Variants in MAP6 observed in about 807,000 individuals in gnomAD.
The protein encoded by MAP6 is microtubule associated protein 6.
MAP6 carries 26 observed loss-of-function variants against 42.4 expected under a neutral mutation model. The ratio of observed to expected loss-of-function variants is 0.61; its 90% CI spans 0.45 to 0.85. MAP6 has a LOEUF of 0.85. Ranked by LOEUF, MAP6 falls within the 40% of genes least tolerant of loss-of-function variation. The pLI is 0.00. For synonymous variants in MAP6, 418 were observed against 443.8 expected, an observed-to-expected ratio of 0.94 and a Z score of 0.73; for missense variants, 966 against 1,099.0, an observed-to-expected ratio of 0.88 and a Z score of 1.71.
At chr11:75,604,440 C>T (rs773134265) in intron 3 of MAP6, 31 of 985,414 alleles carry the variant, frequency 3.1e-5, no homozygotes, top group East Asian at 2.3e-4. Context: ...AAGCCTGCGC[C>T]GGGGCTTGAC....
chr11:75,660,384 T>C (rs746460314), intron 1 of MAP6, among the ~76,000 whole-genome samples: 8 of 152,304 alleles, frequency 5.3e-5, no homozygotes, highest in Non-Finnish European at 1.0e-4. Flanking sequence ...AGATATCCCA[T>C]AGACAACCCA....
At chr11:75,646,073 A>T (rs1038079488) in intron 1 of MAP6, among the ~76,000 whole-genome samples, 4 of 151,948 alleles carry the variant, frequency 2.6e-5, no homozygotes, top group African/African-American at 9.7e-5. Context: ...GATCCATAAA[A>T]GCAAGTCCAT....
chr11:75,605,573 C>T (rs150164789), intron 3 of MAP6: 292 of 1,310,636 alleles, frequency 2.2e-4, no homozygotes, highest in African/African-American at 1.3e-3. Flanking sequence ...CCAGCGGCAA[C>T]GCTTCCTGGT....
intron 1 of MAP6, among the ~76,000 whole-genome samples, chr11:75,629,425 T>C (rs1943249998): frequency 6.6e-6 from 1 of 152,060 alleles, no homozygotes; most frequent in Non-Finnish European, 1.5e-5. Context: ...GCTTGGGACT[T>C]CTGCAGGTCA....
intron 1 of MAP6, among the ~76,000 whole-genome samples, chr11:75,623,316 TGTGA>T (rs1034135150): frequency 3.3e-5 from 5 of 152,190 alleles, no homozygotes; most frequent in East Asian, 1.9e-4. Flanking sequence ...TGCCGAGGCT[TGTGA>T]GTGAGAGGGA....
intron 1 of MAP6, among the ~76,000 whole-genome samples, chr11:75,620,666 AT>A (rs906691890): frequency 7.2e-5 from 11 of 152,354 alleles, no homozygotes; most frequent in African/African-American, 2.2e-4. Flanking sequence ...TCTTAAAAAA[AT>A]ATTTGCAAAT....
chr11:75,631,670 C>A (rs757370422), intron 1 of MAP6, among the ~76,000 whole-genome samples: 6 of 152,328 alleles, frequency 3.9e-5, no homozygotes, highest in Non-Finnish European at 5.9e-5. Context: ...ACACAAATCT[C>A]AACATGAGAC....
rs139425764 is a variant in MAP6 at position 75,605,942 on chromosome 11, C to T, written c.1182G>A (p.Thr394=). The change falls in exon 3 of 4, where the codon ACG becomes ACA. Residue 394 remains threonine (T), a synonymous_variant. Transcript: ENST00000304771. ...PKKTSASHKP[T]RKAKDKQAVS... is the part of the protein sequence containing the mutation. ...CCGCCTGCTTGTCTTTGGCCTTCCT[C>T]GTGGGCTTATGGCTCGCTGAGGTCT... 19,559 of 1,614,034 alleles carry T rather than the reference C, an allele frequency of 0.012. 194 individuals are homozygous for T. The highest frequency in any genetic ancestry group is 0.035 in the South Asian group (3,184 of 91,062).
At position 75,605,492 on chromosome 11, in the gene MAP6, A is replaced by G. The variant is rs1590761418; in HGVS notation, c.1316+316T>C. The G allele has an allele frequency of 2.7e-6, 3 of 1,127,954 alleles. No individual in the cohort carries two copies. The East Asian group carries it at 1.9e-4, about 73-fold the overall frequency. 69.9% of individuals were successfully genotyped at this position (1,127,954 alleles called of 1,614,324 possible). On this transcript the variant is annotated intron_variant, in intron 3 of 3. Transcript: ENST00000304771. ...AGACACTTCCAAGCACTGCCGGGAG[A>G]TTCGTTTCGCCTCTCAGACCTGCCT...
chr11:75,661,927 T>C (rs1173257684), intron 1 of MAP6, among the ~76,000 whole-genome samples: 2 of 152,140 alleles, frequency 1.3e-5, no homozygotes, highest in African/African-American at 4.8e-5. Context: ...CAGGAAAGTC[T>C]ACAAACAAAA....
intron 1 of MAP6, among the ~76,000 whole-genome samples, chr11:75,643,254 T>C (rs1262674510): frequency 1.3e-5 from 2 of 151,522 alleles, no homozygotes; most frequent in Non-Finnish European, 2.9e-5. Context: ...ATTTTTTTTC[T>C]TGCAGAGCTG....
In MAP6 at chr11:75,595,022, A is replaced by G. The variant is rs542254596; in HGVS notation, c.1317-6838T>C. On this transcript the variant is annotated intron_variant, in intron 3 of 3. Coordinates refer to ENST00000304771, the MANE Select transcript of MAP6 (RefSeq NM_033063.2). The stretch of plus-strand genomic sequence containing the variant: ...GAGAAGTCTTCCCTCTCTATTCCAT[A>G]AAAGCAAAACTCCAGAAGCCAAATC... 2.0e-5 allele frequency among the ~76,000 whole-genome samples: 3 copies of G among 152,318 alleles called. No homozygotes were observed. In the South Asian group the frequency reaches 6.2e-4, roughly 32 times the overall value.
intron 1 of MAP6, among the ~76,000 whole-genome samples, chr11:75,633,194 T>C (rs1322294683): frequency 6.6e-6 from 1 of 152,214 alleles, no homozygotes; most frequent in East Asian, 1.9e-4. Flanking sequence ...GTATATGCTC[T>C]GAATTGCTTG....
At chr11:75,622,516 A>G (rs1167541570) in intron 1 of MAP6, among the ~76,000 whole-genome samples, 1 of 152,258 alleles carries the variant, frequency 6.6e-6, no homozygotes, top group Non-Finnish European at 1.5e-5. Context: ...CACCATATTC[A>G]TATACTGCAA....
chr11:75,655,073 C>T (rs920673066), intron 1 of MAP6, among the ~76,000 whole-genome samples: 22 of 152,190 alleles, frequency 1.4e-4, no homozygotes, highest in Admixed American at 9.2e-4. Context: ...TTATCTCCCT[C>T]AAAAGACAGC....
chr11:75,601,641 G>T (rs1942664802), intron 3 of MAP6, among the ~76,000 whole-genome samples: 1 of 152,050 alleles, frequency 6.6e-6, no homozygotes, highest in Non-Finnish European at 1.5e-5. Flanking sequence ...AGAGAAGCAT[G>T]ACAAGGGAGC....
chr11:75,625,288 G>A (rs1395360175), intron 1 of MAP6, among the ~76,000 whole-genome samples: 1 of 152,202 alleles, frequency 6.6e-6, no homozygotes, highest in East Asian at 1.9e-4. Context: ...TGTGCATTCA[G>A]CTGAGCAAAC....
At chr11:75,645,172 C>T (rs937161265) in intron 1 of MAP6, among the ~76,000 whole-genome samples, 3 of 152,102 alleles carry the variant, frequency 2.0e-5, no homozygotes, top group African/African-American at 7.2e-5. Flanking sequence ...ACACTTTGGA[C>T]CCCAGTATCA....
chr11:75,627,206 T>C (rs944094562), intron 1 of MAP6, among the ~76,000 whole-genome samples: 4 of 152,236 alleles, frequency 2.6e-5, no homozygotes, highest in African/African-American at 9.6e-5. Context: ...TTCCCAACAA[T>C]GGGATTAGCC....
Sources: gnomAD v4.1 joint callset for allele counts (sites outside exome capture counted in the v4.1 genomes callset) on GRCh38, gnomAD v4.1.1 for gene constraint, MANE v1.5 for transcripts, NCBI Gene and HGNC (gene_info 2026-07-23, HGNC 2026-07-21) for gene names.